Variants in PAPPA2 observed in about 807,000 individuals in gnomAD.
The protein encoded by PAPPA2 is pappalysin 2, also known as pappalysin-2.
A neutral mutation model predicts 176.4 loss-of-function variants in PAPPA2; 86 were observed. The observed-to-expected ratio is 0.49, with a 90% CI of 0.41 to 0.58. PAPPA2 has a LOEUF of 0.58. PAPPA2 is among the 20% of genes least tolerant of loss of function. The pLI is 0.00. For missense variants in PAPPA2, 2,073 were observed against 2,256.9 expected (o/e 0.92, Z 1.65); for synonymous variants, 809 against 852.2 (o/e 0.95, Z 0.88).
chr1:176,558,611 T>TAA (rs1335239340), intron 2 of PAPPA2, among the ~76,000 whole-genome samples: 1 of 152,082 alleles, frequency 6.6e-6, no homozygotes, highest in East Asian at 1.9e-4. Flanking sequence ...GGTTGGGCTA[T>TAA]AAGTTAGGTG....
At chr1:176,565,373 G>A (rs1353061280) in intron 2 of PAPPA2, among the ~76,000 whole-genome samples, 1 of 152,178 alleles carries the variant, frequency 6.6e-6, no homozygotes, top group Non-Finnish European at 1.5e-5. Flanking sequence ...AATGCATGGA[G>A]GTTTGGTTTT....
In PAPPA2 at chr1:176,478,361, A is replaced by G. The variant is rs1382813021; in HGVS notation, c.-917+14943A>G. On this transcript the variant is annotated intron_variant, in intron 1 of 22. Transcript: ENST00000367662. Reference sequence around the variant, plus strand: ...CTCAGAAGGAGTTGGATAAACCTCAATTTGGTTCCTGGCTCTGCTACTTGT... The same window carrying G: ...CTCAGAAGGAGTTGGATAAACCTCAGTTTGGTTCCTGGCTCTGCTACTTGT... 3.9e-5 allele frequency among the ~76,000 whole-genome samples: 6 copies of G among 152,248 alleles called. No homozygotes were observed. In the East Asian group the frequency reaches 9.6e-4, roughly 24 times the overall value.
chr1:176,702,297 T>G (rs1332979323), intron 8 of PAPPA2, among the ~76,000 whole-genome samples: 2 of 152,246 alleles, frequency 1.3e-5, no homozygotes, highest in African/African-American at 4.8e-5. Flanking sequence ...TGTTTTAACA[T>G]GGTAAAAATG....
Position 176,471,451 on chromosome 1 carries a change from A to G in PAPPA2, c.-917+8033A>G, listed in dbSNP as rs75574634. The stretch of plus-strand genomic sequence containing the variant: ...AAAAATTATAAAATAAAACACAAAT[A>G]TAGAAAACCAAACAAAACAAGTGTA... On this transcript the variant is annotated intron_variant, in intron 1 of 22. Coordinates refer to ENST00000367662, the MANE Select transcript of PAPPA2 (RefSeq NM_020318.3). Among the ~76,000 whole-genome samples the G allele has an allele frequency of 3.1e-3, 473 of 152,308 alleles. 2 individuals are homozygous for G. The highest frequency in any genetic ancestry group is 3.3e-3 in the Non-Finnish European group (222 of 68,020).
intron 1 of PAPPA2, among the ~76,000 whole-genome samples, chr1:176,503,915 G>A (rs1347656691): frequency 6.6e-6 from 1 of 152,170 alleles, no homozygotes; most frequent in Non-Finnish European, 1.5e-5. Flanking sequence ...TCTTCTACAA[G>A]TGTATCATGA....
chr1:176,590,286 C>A (rs1346230863), intron 2 of PAPPA2, among the ~76,000 whole-genome samples: 2 of 152,330 alleles, frequency 1.3e-5, no homozygotes, highest in African/African-American at 4.8e-5. Context: ...ACTGGTTCAT[C>A]AGAGCCAATT....
chr1:176,677,759 C>A (rs1237113597), intron 4 of PAPPA2, among the ~76,000 whole-genome samples: 1 of 152,046 alleles, frequency 6.6e-6, no homozygotes, highest in African/African-American at 2.4e-5. Context: ...TACTCATTGT[C>A]TTGGTACCAT....
At chr1:176,750,628 A>G (rs1298610156) in intron 14 of PAPPA2, among the ~76,000 whole-genome samples, 1 of 150,596 alleles carries the variant, frequency 6.6e-6, no homozygotes, top group Non-Finnish European at 1.5e-5. Flanking sequence ...AAACAAAGTG[A>G]CAACAACAAC....
intron 14 of PAPPA2, among the ~76,000 whole-genome samples, chr1:176,763,426 T>C (rs1023616961): frequency 2.0e-5 from 3 of 152,226 alleles, no homozygotes; most frequent in Non-Finnish European, 4.4e-5. Flanking sequence ...GATGGTTGAA[T>C]CAGTGTTTAA....
intron 15 of PAPPA2, among the ~76,000 whole-genome samples, chr1:176,767,554 G>C (rs1664035897): frequency 6.6e-6 from 1 of 152,186 alleles, no homozygotes. Flanking sequence ...CACCATGTCA[G>C]CCAGAATGGT....
intron 10 of PAPPA2, among the ~76,000 whole-genome samples, chr1:176,709,531 G>A (rs751292130): frequency 1.4e-4 from 22 of 152,208 alleles, no homozygotes; most frequent in South Asian, 4.1e-4. Context: ...CAAACCCCCC[G>A]TGATACTTTA....
intron 1 of PAPPA2, among the ~76,000 whole-genome samples, chr1:176,551,069 T>C (rs1421350080): frequency 6.6e-6 from 1 of 152,122 alleles, no homozygotes. Context: ...TTGTGTGACT[T>C]AGTGCTTGTT....
intron 14 of PAPPA2, among the ~76,000 whole-genome samples, chr1:176,763,587 G>C (rs1174949914): frequency 6.6e-6 from 1 of 152,184 alleles, no homozygotes; most frequent in African/African-American, 2.4e-5. Context: ...GTCATGCGTT[G>C]AATATAAAGT....
intron 1 of PAPPA2, among the ~76,000 whole-genome samples, chr1:176,500,368 AC>A (rs1647886268): frequency 6.6e-6 from 1 of 151,684 alleles, no homozygotes; most frequent in Non-Finnish European, 1.5e-5. Flanking sequence ...ATGGAAAGGC[AC>A]CAGAAGAAAA....
At chr1:176,691,043 C>T (rs1374240298) in intron 5 of PAPPA2, 13 of 985,386 alleles carry the variant, frequency 1.3e-5, no homozygotes, top group East Asian at 1.1e-4. Context: ...TCCTGGCCCT[C>T]GGAAAAACTT....
rs780824683 is a variant in PAPPA2, at chr1:176,671,034, A to G, written c.2056A>G (p.Ile686Val). ...GCTGAACAGTACTCACTTCCTCAAC[A>G]TCTACTTTGCCAGCTCAGTGCGGGA... ...LQLNSTHFLNIYFASSVREDL... is the reference protein window; with the variant it reads ...LQLNSTHFLNVYFASSVREDL... Residue 686 changes from isoleucine (I) to valine (V), a missense_variant, in exon 4 of 23, where the codon ATC becomes GTC. Physicochemically the swap from Ile to Val is conservative, Grantham distance 29. This residue lies in a region of PAPPA2 where 1,196 missense variants were observed against 1,330.4 expected (regional missense o/e 0.90). Transcript: ENST00000367662. The G allele has an allele frequency of 6.8e-6, 11 of 1,613,984 alleles. No individual in the cohort carries two copies. Among genetic ancestry groups the G allele is most frequent in the Middle Eastern group, 1.7e-4 (1 of 6,050 alleles).
In PAPPA2 at chr1:176,595,047, C is replaced by T. The variant is rs979487598; in HGVS notation, c.1443C>T (p.Leu481=). The T allele has an allele frequency of 3.1e-6, 5 of 1,614,064 alleles. No individual in the cohort carries two copies. Among genetic ancestry groups the T allele is most frequent in the Non-Finnish European group, 4.2e-6 (5 of 1,180,044 alleles). The stretch of plus-strand genomic sequence containing the variant: ...AGAAGTACCCACGACTTGAGGTTCT[C>T]CAGGGCTTTGAGCCAGAGCCTGAGA... The part of the protein sequence containing the change: ...RDEKYPRLEV[L]QGFEPEPEIL... The change falls in exon 3 of 23, where the codon CTC becomes CTT. Residue 481 remains leucine (L), a synonymous_variant. Transcript: ENST00000367662.
intron 3 of PAPPA2, among the ~76,000 whole-genome samples, chr1:176,663,220 T>C (rs568761512): frequency 9.5e-4 from 145 of 152,330 alleles, no homozygotes; most frequent in Middle Eastern, 6.8e-3. Flanking sequence ...GTTTCATTTC[T>C]ATTTTATTGT....
At position 176,595,459 on chromosome 1, in the gene PAPPA2, T is replaced by TA; in HGVS notation, c.1856dup (p.Tyr619Ter). The change falls in exon 3 of 23, where the codon TAC (tyrosine) becomes TAAC (stop). Residue 619 changes from tyrosine to a stop codon, truncating the protein, a stop_gained and frameshift_variant. Coordinates refer to ENST00000367662, the MANE Select transcript of PAPPA2 (RefSeq NM_020318.3). LOFTEE classifies it high-confidence loss of function. The part of the protein sequence containing the change: ...GGDCRLQGRC[Y>*]SWNRRDGLCH... The stretch of plus-strand genomic sequence containing the variant: ...TGACTGCCGCCTGCAGGGCCGCTGC[T>TA]ACTCCTGGAACCGCAGGGATGGGCT... 6.2e-7 allele frequency: 1 copy of TA among 1,614,220 alleles called. No homozygotes were observed.
Sources: allele counts gnomAD v4.1 joint callset (sites outside exome capture counted in the v4.1 genomes callset), GRCh38; gene constraint gnomAD v4.1.1; regional missense constraint gnomAD v4.1.1; transcripts MANE v1.5; gene names NCBI Gene and HGNC (gene_info 2026-07-23, HGNC 2026-07-21).